SPRY3: variants seen among roughly 807,000 people sequenced by gnomAD.
The protein encoded by SPRY3 is protein sprouty homolog 3.
Under a neutral mutation model 20.2 loss-of-function variants are expected in SPRY3, and 15 were observed. That is an observed-to-expected ratio of 0.74 (90% confidence interval 0.50 to 1.14). The LOEUF is 1.14. SPRY3 is among the 50% of genes most tolerant of loss of function. The pLI, the probability that SPRY3 is intolerant of heterozygous loss-of-function variation, is 0.00. For missense variants in SPRY3, 364 were observed against 363.9 expected, an observed-to-expected ratio of 1.00 and a Z score of 0.00; for synonymous variants, 143 against 136.5, an observed-to-expected ratio of 1.05 and a Z score of -0.33.
At chrX:155,721,780 AC>A (rs1305379247) in intron 2 of SPRY3, among the ~76,000 whole-genome samples, 1 of 152,182 alleles carries the variant, frequency 6.6e-6, no homozygotes, top group Non-Finnish European at 1.5e-5. Context: ...CTTCATCAAC[AC>A]CAGACCTGTC....
chrX:155,729,309 G>A (rs1384185481), intron 2 of SPRY3, among the ~76,000 whole-genome samples: 1 of 151,756 alleles, frequency 6.6e-6, no homozygotes, highest in African/African-American at 2.4e-5. Context: ...TTATATTTTG[G>A]GGTAACAAAA....
At chrX:155,622,937 A>C (rs1296375361) in intron 1 of SPRY3, among the ~76,000 whole-genome samples, 2 of 112,175 alleles carry the variant, frequency 1.8e-5, no homozygotes, top group Non-Finnish European at 3.8e-5. Flanking sequence ...TTCATCATAT[A>C]TTAGGATTGC....
intron 2 of SPRY3, among the ~76,000 whole-genome samples, chrX:155,728,978 G>A (rs2091116677): frequency 6.6e-6 from 1 of 152,020 alleles, no homozygotes; most frequent in African/African-American, 2.4e-5. Flanking sequence ...GACAAAGAAA[G>A]ACACTATATA....
chrX:155,723,221 T>G (rs2091073264), intron 2 of SPRY3, among the ~76,000 whole-genome samples: 1 of 152,136 alleles, frequency 6.6e-6, no homozygotes, highest in African/African-American at 2.4e-5. Context: ...TTTGCTATTG[T>G]GAATAGTTCC....
intron 2 of SPRY3, among the ~76,000 whole-genome samples, chrX:155,715,929 A>C (rs1420189246): frequency 6.6e-6 from 1 of 152,048 alleles, no homozygotes. Context: ...ACACATGGCC[A>C]CTGCCAGGGG....
At chrX:155,693,562 G>C (rs2068109904) in intron 2 of SPRY3, among the ~76,000 whole-genome samples, 1 of 111,553 alleles carries the variant, frequency 9.0e-6, no homozygotes, top group Admixed American at 9.6e-5. Context: ...TGTGTCAATT[G>C]CTAAAGCATA....
chrX:155,682,237 T>C (rs183840729), intron 2 of SPRY3, among the ~76,000 whole-genome samples: 2 of 112,706 alleles, frequency 1.8e-5, no homozygotes, highest in African/African-American at 6.4e-5. Flanking sequence ...CAACAAAGCC[T>C]GGAAGGCAGC....
intron 2 of SPRY3, among the ~76,000 whole-genome samples, chrX:155,727,257 T>C (rs1287364611): frequency 1.3e-5 from 2 of 152,140 alleles, no homozygotes; most frequent in African/African-American, 4.8e-5. Flanking sequence ...ATTTCAACCT[T>C]GGTAAATCTG....
At chrX:155,723,185 A>G (rs750876102) in intron 2 of SPRY3, among the ~76,000 whole-genome samples, 3 of 152,182 alleles carry the variant, frequency 2.0e-5, no homozygotes, top group East Asian at 1.9e-4. Context: ...TCTATCATTG[A>G]TGGACATTTG....
chrX:155,729,810 C>A (rs1181834644), intron 2 of SPRY3, among the ~76,000 whole-genome samples: 1 of 151,656 alleles, frequency 6.6e-6, no homozygotes, highest in African/African-American at 2.4e-5. Context: ...AAACTTTAGA[C>A]AGACTCACTA....
chrX:155,754,773 T>C (rs1485082826), intron 2 of SPRY3, among the ~76,000 whole-genome samples: 1 of 152,062 alleles, frequency 6.6e-6, no homozygotes, highest in Non-Finnish European at 1.5e-5. Flanking sequence ...CTTTCAACAA[T>C]GTTCTGTGGT....
chrX:155,614,329 C>G (rs1258037475), intron 1 of SPRY3, among the ~76,000 whole-genome samples: 1 of 112,021 alleles, frequency 8.9e-6, no homozygotes, highest in African/African-American at 3.2e-5. Flanking sequence ...ACAGGAAGAT[C>G]ATAACTGTAG....
At chrX:155,682,135 A>C (rs1182229858) in intron 2 of SPRY3, among the ~76,000 whole-genome samples, 1 of 112,175 alleles carries the variant, frequency 8.9e-6, no homozygotes, top group Non-Finnish European at 1.9e-5. Flanking sequence ...TGGTGATTTT[A>C]AGTTGAAGCC....
At chrX:155,626,574 C>T (rs781963002) in intron 1 of SPRY3, among the ~76,000 whole-genome samples, 9 of 111,396 alleles carry the variant, frequency 8.1e-5, no homozygotes, top group East Asian at 5.6e-4. Context: ...TATCTATTTT[C>T]GCCTTTTGTT....
intron 2 of SPRY3, among the ~76,000 whole-genome samples, chrX:155,740,987 T>C (rs1169316234): frequency 3.9e-5 from 6 of 152,090 alleles, no homozygotes; most frequent in Non-Finnish European, 5.9e-5. Flanking sequence ...CCGACACTTA[T>C]GGAAAATAGA....
chrX:155,712,843 T>A (rs2090996360), intron 2 of SPRY3, among the ~76,000 whole-genome samples: 1 of 151,988 alleles, frequency 6.6e-6, no homozygotes, highest in Admixed American at 6.6e-5. Flanking sequence ...GTCTGTTATA[T>A]GTTTTTCAAT....
intron 2 of SPRY3, among the ~76,000 whole-genome samples, chrX:155,732,544 G>C (rs2091140420): frequency 6.6e-6 from 1 of 151,980 alleles, no homozygotes; most frequent in Non-Finnish European, 1.5e-5. Flanking sequence ...ACCTCATACT[G>C]TCAGTGGGAA....
chrX:155,748,426 C>A (rs1387746168), intron 2 of SPRY3, among the ~76,000 whole-genome samples: 1 of 151,630 alleles, frequency 6.6e-6, no homozygotes, highest in Admixed American at 6.6e-5. Context: ...GTGACTCTAC[C>A]AAGCAGGCAA....
intron 2 of SPRY3, among the ~76,000 whole-genome samples, chrX:155,712,111 A>G (rs1296904317): frequency 2.0e-5 from 3 of 151,978 alleles, no homozygotes; most frequent in Non-Finnish European, 4.4e-5. Flanking sequence ...GTTACCTAAC[A>G]TATGATCTAT....
Sources: gnomAD v4.1 joint callset for allele counts (sites outside exome capture counted in the v4.1 genomes callset) on GRCh38, gnomAD v4.1.1 for gene constraint, MANE v1.5 for transcripts, NCBI Gene and HGNC (gene_info 2026-07-23, HGNC 2026-07-21) for gene names.